Variants in MYO3A observed in about 807,000 individuals in gnomAD.
MYO3A encodes the protein myosin-IIIa.
In MYO3A, 180 loss-of-function variants were observed where a neutral mutation model predicts 192.7. That is an observed-to-expected ratio of 0.93 (90% confidence interval 0.83 to 1.06). MYO3A has a LOEUF of 1.06. Ranked by LOEUF, MYO3A falls within the 50% of genes least tolerant of loss-of-function variation. The pLI is 0.00. For missense variants in MYO3A, 1,896 were observed against 1,905.0 expected (o/e 1.00, Z 0.09); for synonymous variants, 628 against 645.3 (o/e 0.97, Z 0.41).
At chr10:26,049,306 G>A (rs1160830437) in intron 10 of MYO3A, among the ~76,000 whole-genome samples, 2 of 152,176 alleles carry the variant, frequency 1.3e-5, no homozygotes, top group Non-Finnish European at 2.9e-5. Context: ...TATTAACCAG[G>A]CAGTCCTAGC....
chr10:26,141,651 T>C (rs994027671), intron 20 of MYO3A, among the ~76,000 whole-genome samples: 1 of 152,228 alleles, frequency 6.6e-6, no homozygotes. Context: ...TGTAATATGC[T>C]GTGAGCATGA....
intron 23 of MYO3A, among the ~76,000 whole-genome samples, chr10:26,148,819 A>G (rs548480600): frequency 1.3e-5 from 2 of 152,264 alleles, no homozygotes; most frequent in South Asian, 2.1e-4. Context: ...TGATTTTTGT[A>G]TATTGATTTT....
intron 26 of MYO3A, among the ~76,000 whole-genome samples, chr10:26,158,024 C>A (rs1328790697): frequency 6.6e-6 from 1 of 151,998 alleles, no homozygotes; most frequent in Non-Finnish European, 1.5e-5. Flanking sequence ...TTATCCAGCC[C>A]CAAATCTCAA....
intron 10 of MYO3A, among the ~76,000 whole-genome samples, chr10:26,045,462 C>T (rs1391474295): frequency 6.6e-6 from 1 of 152,120 alleles, no homozygotes; most frequent in Non-Finnish European, 1.5e-5. Context: ...AACACAGTTC[C>T]TGGTCCATAA....
chr10:26,147,731 TG>T (rs1381211898), intron 23 of MYO3A, among the ~76,000 whole-genome samples, 172 bp downstream of exon 23: 5 of 152,152 alleles, frequency 3.3e-5, no homozygotes, highest in Non-Finnish European at 5.9e-5. Context: ...AATATAAAAA[TG>T]AATATAAATA....
intron 14 of MYO3A, among the ~76,000 whole-genome samples, chr10:26,075,657 C>T (rs12774778): frequency 7.1e-6 from 1 of 140,822 alleles, no homozygotes. Flanking sequence ...ATATGTCTCT[C>T]ATATATATAT....
intron 3 of MYO3A, 113 bp downstream of exon 3, chr10:25,952,391 C>G: frequency 8.4e-7 from 1 of 1,191,482 alleles, no homozygotes; most frequent in Admixed American, 2.6e-5. Context: ...AAACAGGTTA[C>G]AATTTGAAGA....
chr10:26,099,681 G>A (rs970993522), intron 17 of MYO3A, among the ~76,000 whole-genome samples: 8 of 152,142 alleles, frequency 5.3e-5, no homozygotes, highest in Non-Finnish European at 1.5e-5. Context: ...TGTGGTTTTT[G>A]TCTTTAGTTC....
intron 26 of MYO3A, 103 bp downstream of exon 26, chr10:26,157,618 GGGA>G: frequency 8.0e-7 from 1 of 1,252,670 alleles, no homozygotes; most frequent in East Asian, 2.5e-5. Context: ...AGGTCTAGGA[GGGA>G]GGCATTTTGT....
chr10:26,074,276 C>T (rs1315344689), intron 14 of MYO3A, among the ~76,000 whole-genome samples: 1 of 152,030 alleles, frequency 6.6e-6, no homozygotes, highest in Non-Finnish European at 1.5e-5. Context: ...AAAACAACTA[C>T]TTAATTGAAT....
intron 2 of MYO3A, among the ~76,000 whole-genome samples, chr10:25,938,710 A>G (rs756592662): frequency 2.6e-5 from 4 of 152,156 alleles, no homozygotes; most frequent in Non-Finnish European, 5.9e-5. Flanking sequence ...ATATTAAAAT[A>G]TTGCTTGGTT....
intron 33 of MYO3A, 163 bp from the exon 34 acceptor site, chr10:26,202,801 G>T (rs1360330759): frequency 2.7e-6 from 2 of 729,550 alleles, no homozygotes; most frequent in Non-Finnish European, 4.4e-6. Flanking sequence ...TTACTTATGG[G>T]ATACACTGTT....
At chr10:26,081,683 G>A (rs960360736) in intron 14 of MYO3A, among the ~76,000 whole-genome samples, 4 of 152,154 alleles carry the variant, frequency 2.6e-5, no homozygotes, top group African/African-American at 9.7e-5. Context: ...GGATCCCTGT[G>A]GTGCCAGGCA....
intron 14 of MYO3A, among the ~76,000 whole-genome samples, chr10:26,082,469 TA>T (rs762203048): frequency 1.1e-4 from 17 of 152,322 alleles, no homozygotes; most frequent in South Asian, 8.3e-4. Context: ...TTCTAACAGT[TA>T]TTTTTTTGGG....
At chr10:26,111,082 G>T (rs995706475) in intron 17 of MYO3A, among the ~76,000 whole-genome samples, 1 of 151,942 alleles carries the variant, frequency 6.6e-6, no homozygotes, top group African/African-American at 2.4e-5. Flanking sequence ...TGCCCAGGCT[G>T]GTCTGAAACT....
intron 14 of MYO3A, among the ~76,000 whole-genome samples, chr10:26,072,844 A>G (rs911382147): frequency 2.0e-5 from 3 of 152,238 alleles, no homozygotes; most frequent in Non-Finnish European, 4.4e-5. Context: ...CATACAACCT[A>G]GCAGTTTTAC....
chr10:26,063,056 G>A lies in MYO3A; in HGVS notation c.954-3919G>A, dbSNP rs78622988. Among the ~76,000 whole-genome samples the A allele has an allele frequency of 4.2e-3, 634 of 152,234 alleles. 7 individuals carry two copies. The highest frequency in any genetic ancestry group is 0.013 in the African/African-American group (547 of 41,532). On this transcript the variant is annotated intron_variant, in intron 10 of 34. Coordinates refer to ENST00000642920, the MANE Select transcript of MYO3A (RefSeq NM_017433.5). ...TAAAATGAGCTAGGAAGTCTCCTGC[G>A]GAGGGGTAAATAATTAATGAGTAAC...
chr10:26,183,880 A>G (rs1256736321), intron 31 of MYO3A, among the ~76,000 whole-genome samples: 1 of 152,160 alleles, frequency 6.6e-6, no homozygotes, highest in Non-Finnish European at 1.5e-5. Context: ...AATAAACTCA[A>G]GAGAACAGAG....
Position 26,094,211 on chromosome 10 carries a change from A to G in MYO3A, c.1563-2170A>G, listed in dbSNP as rs1836868653. Among the ~76,000 whole-genome samples the G allele has an allele frequency of 2.6e-5, 4 of 152,146 alleles. 1 individual carries two copies. The South Asian group carries it at 8.3e-4, about 32-fold the overall frequency. On this transcript the variant is annotated intron_variant, in intron 15 of 34. Transcript: ENST00000642920. Reference sequence around the variant, plus strand: ...ATGTTATTTTAAACCTACATGACTGATGTGTTGGAGTCCTTATTGAGCTTC... The same window carrying G: ...ATGTTATTTTAAACCTACATGACTGGTGTGTTGGAGTCCTTATTGAGCTTC...
Sources: gnomAD v4.1 joint callset for allele counts (sites outside exome capture counted in the v4.1 genomes callset) on GRCh38, gnomAD v4.1.1 for gene constraint, MANE v1.5 for transcripts, NCBI Gene and HGNC (gene_info 2026-07-23, HGNC 2026-07-21) for gene names.